TAS2R1: variants seen among roughly 807,000 people sequenced by gnomAD.
TAS2R1 encodes the protein taste receptor type 2 member 1.
For synonymous variants in TAS2R1, 141 were observed against 134.2 expected (o/e 1.05, Z -0.35); for missense variants, 370 against 353.4 (o/e 1.05, Z -0.38).
chr5:9,752,337 C>T, the TAS2R1 span, among the ~76,000 whole-genome samples: 1 of 152,162 alleles, frequency 6.6e-6, no homozygotes, highest in African/African-American at 2.4e-5. Flanking sequence ...ACTGAGTCCT[C>T]TGTACTCCAG....
rs939163386 is a variant in TAS2R1 at position 9,629,261 on chromosome 5, T to C, written c.772A>G (p.Ile258Val). The C allele has an allele frequency of 6.2e-7, 1 of 1,613,906 alleles. No homozygotes were observed. Among genetic ancestry groups the C allele is most frequent in the African/African-American group, 1.3e-5 (1 of 74,906 alleles). The change falls in exon 1 of 1, where the codon ATC becomes GTC. Residue 258 changes from isoleucine (I) to valine (V), a missense_variant. Coordinates refer to ENST00000382492, the MANE Select transcript of TAS2R1 (RefSeq NM_019599.3). ...SSLKFHIRRF[I>V]FLFFILVIGI... ...ATCACAAGGATGAAGAACAGAAAGA[T>C]GAACCTTCTGATGTGAAACTTTAGA...
the TAS2R1 span, among the ~76,000 whole-genome samples, chr5:9,901,731 C>A: frequency 1.4e-4 from 22 of 152,142 alleles, no homozygotes; most frequent in African/African-American, 5.1e-4. Flanking sequence ...GATGTGGATC[C>A]AGGCCGGAGA....
the TAS2R1 span, among the ~76,000 whole-genome samples, chr5:9,841,411 T>C: frequency 6.6e-6 from 1 of 152,222 alleles, no homozygotes. Context: ...ACTTTTTGCC[T>C]TGCTGTAGTT....
At chr5:9,716,917 A>G (rs1340215472), upstream of TAS2R1, among the ~76,000 whole-genome samples, 1 of 152,154 alleles carries the variant, frequency 6.6e-6, no homozygotes, top group Non-Finnish European at 1.5e-5. Flanking sequence ...AAGACAGATA[A>G]AACCACACAG....
the TAS2R1 span, among the ~76,000 whole-genome samples, chr5:9,894,455 G>GAC: frequency 6.6e-4 from 99 of 150,760 alleles, 1 homozygote; most frequent in East Asian, 5.6e-3. Context: ...GCAGCAGGGA[G>GAC]ACACACACAC....
At chr5:9,675,234 A>G (rs1435034972) in intron 1 of TAS2R1, among the ~76,000 whole-genome samples, 1 of 150,966 alleles carries the variant, frequency 6.6e-6, no homozygotes, top group Non-Finnish European at 1.5e-5. Flanking sequence ...ATCAATGTTA[A>G]TATGCTAATA....
the TAS2R1 span, among the ~76,000 whole-genome samples, chr5:9,846,378 C>T: frequency 8.5e-5 from 13 of 152,162 alleles, no homozygotes; most frequent in Admixed American, 8.5e-4. Flanking sequence ...TAGTCTGGGA[C>T]AATGTTCTAC....
the TAS2R1 span, among the ~76,000 whole-genome samples, chr5:9,773,668 T>C: frequency 6.6e-6 from 1 of 152,214 alleles, no homozygotes; most frequent in African/African-American, 2.4e-5. Flanking sequence ...TCTTTCATGC[T>C]TGAAGAATAT....
At chr5:9,732,980 C>T in the TAS2R1 span, among the ~76,000 whole-genome samples, 1 of 152,332 alleles carries the variant, frequency 6.6e-6, no homozygotes, top group African/African-American at 2.4e-5. Flanking sequence ...GAGGCCCACA[C>T]ATATTATTCA....
chr5:9,744,370 T>A, the TAS2R1 span, among the ~76,000 whole-genome samples: 1 of 152,222 alleles, frequency 6.6e-6, no homozygotes, highest in Non-Finnish European at 1.5e-5. Flanking sequence ...GACACGTTCA[T>A]TAGTTTTTAT....
the TAS2R1 span, among the ~76,000 whole-genome samples, chr5:9,782,149 T>C: frequency 1.3e-5 from 2 of 152,226 alleles, no homozygotes; most frequent in Non-Finnish European, 2.9e-5. Context: ...CTTGCCTCTC[T>C]TACTCAGGCC....
At chr5:9,852,537 A>C in the TAS2R1 span, among the ~76,000 whole-genome samples, 1 of 152,232 alleles carries the variant, frequency 6.6e-6, no homozygotes, top group African/African-American at 2.4e-5. Context: ...GCCTCCCACA[A>C]ATCTCCAGAG....
At chr5:9,893,448 G>T in the TAS2R1 span, among the ~76,000 whole-genome samples, 55,609 of 147,754 alleles carry the variant, frequency 0.38, 12,386 homozygotes, top group Non-Finnish European at 0.47. Flanking sequence ...TCGCTCAGAT[G>T]GTTGTTGGTC....
At chr5:9,889,644 G>A in the TAS2R1 span, 1 of 152,192 alleles carries the variant, frequency 6.6e-6, no homozygotes, top group Admixed American at 6.5e-5. Flanking sequence ...GGAGCAGATT[G>A]TGCTGGGGCA....
chr5:9,788,601 T>A, the TAS2R1 span, among the ~76,000 whole-genome samples: 3 of 151,992 alleles, frequency 2.0e-5, no homozygotes, highest in Non-Finnish European at 4.4e-5. Context: ...TTAAAAAAAA[T>A]AAAATAAAAA....
At chr5:9,784,709 A>C in the TAS2R1 span, among the ~76,000 whole-genome samples, 32 of 152,168 alleles carry the variant, frequency 2.1e-4, no homozygotes, top group Non-Finnish European at 4.6e-4. Flanking sequence ...CCAGAGGAGG[A>C]TCCTTCCTTG....
chr5:9,889,067 C>CA, the TAS2R1 span, among the ~76,000 whole-genome samples: 1 of 152,234 alleles, frequency 6.6e-6, no homozygotes, highest in African/African-American at 2.4e-5. Flanking sequence ...CAACCATTCT[C>CA]AGACTATTTC....
At chr5:9,669,854 G>A (rs896808440) in intron 1 of TAS2R1, among the ~76,000 whole-genome samples, 3 of 151,970 alleles carry the variant, frequency 2.0e-5, no homozygotes, top group Non-Finnish European at 4.4e-5. Context: ...AGAGGGACCA[G>A]AGAAACAAGA....
At chr5:9,879,863 T>C in the TAS2R1 span, among the ~76,000 whole-genome samples, 9 of 152,200 alleles carry the variant, frequency 5.9e-5, no homozygotes, top group Non-Finnish European at 1.2e-4. Context: ...TGTGTTCCTT[T>C]GCTAAATGAC....
Sources: allele counts gnomAD v4.1 joint callset (sites outside exome capture counted in the v4.1 genomes callset), GRCh38; gene constraint gnomAD v4.1.1; transcripts MANE v1.5; gene names NCBI Gene and HGNC (gene_info 2026-07-23, HGNC 2026-07-21).